The following AXDND1 variants were observed in gnomAD, a reference collection of about 807,000 sequenced individuals.
The protein encoded by AXDND1 is axonemal dynein light chain domain-containing protein 1.
In AXDND1, 110 loss-of-function variants were observed where a neutral mutation model predicts 137.5. The ratio of observed to expected loss-of-function variants is 0.80; its 90% CI spans 0.69 to 0.94. AXDND1 has a LOEUF of 0.94. Ranked by LOEUF, AXDND1 falls within the 40% of genes least tolerant of loss-of-function variation. AXDND1 has a pLI of 0.00. For missense variants in AXDND1, 1,191 were observed against 1,169.8 expected, an observed-to-expected ratio of 1.02 and a Z score of -0.26; for synonymous variants, 414 against 399.7, an observed-to-expected ratio of 1.04 and a Z score of -0.43.
intron 20 of AXDND1, among the ~76,000 whole-genome samples, chr1:179,503,098 A>T (rs1483058469): frequency 6.6e-6 from 1 of 151,594 alleles, no homozygotes. Flanking sequence ...TCCGTGTAAA[A>T]AAAAAAAAAA....
chr1:179,437,750 G>A (rs992624754), intron 15 of AXDND1, among the ~76,000 whole-genome samples: 2 of 152,160 alleles, frequency 1.3e-5, no homozygotes, highest in African/African-American at 4.8e-5. Flanking sequence ...AGGTCCAAGG[G>A]TTGAGGCTCT....
chr1:179,482,098 A>ATTTTTTTT (rs57145549), intron 17 of AXDND1, among the ~76,000 whole-genome samples: 3 of 108,068 alleles, frequency 2.8e-5, no homozygotes, highest in African/African-American at 3.9e-5. Context: ...GAGCTTTTTA[A>ATTTTTTTT]TTTTTTTTTT....
At chr1:179,538,040 C>A (rs1175188720) in intron 25 of AXDND1, among the ~76,000 whole-genome samples, 1 of 152,118 alleles carries the variant, frequency 6.6e-6, no homozygotes, top group African/African-American at 2.4e-5. Context: ...GCGGTGATAT[C>A]CCCTTTATCA....
intron 20 of AXDND1, among the ~76,000 whole-genome samples, chr1:179,496,919 A>G (rs1667500092): frequency 6.6e-6 from 1 of 152,132 alleles, no homozygotes; most frequent in Admixed American, 6.5e-5. Context: ...CATTTAAAAT[A>G]CATTTTAATA....
At chr1:179,494,291 G>A (rs1667229681) in intron 20 of AXDND1, among the ~76,000 whole-genome samples, 1 of 152,122 alleles carries the variant, frequency 6.6e-6, no homozygotes, top group Non-Finnish European at 1.5e-5. Flanking sequence ...TCTAATAAGT[G>A]AGTAGTGGGA....
intron 15 of AXDND1, among the ~76,000 whole-genome samples, chr1:179,443,175 A>C (rs2125359407): frequency 1.3e-5 from 2 of 152,318 alleles, no homozygotes; most frequent in Non-Finnish European, 2.9e-5. Context: ...GTTTGTTCAC[A>C]TCTTGCATTC....
chr1:179,479,262 A>G (rs1665020830), intron 17 of AXDND1, among the ~76,000 whole-genome samples: 1 of 150,206 alleles, frequency 6.7e-6, no homozygotes, highest in African/African-American at 2.5e-5. Context: ...GGATCACTTG[A>G]AGTCAGGAGT....
intron 4 of AXDND1, among the ~76,000 whole-genome samples, chr1:179,371,246 G>A (rs1668006558): frequency 6.6e-6 from 1 of 152,036 alleles, no homozygotes. Context: ...TGGGCAACAT[G>A]GTGAAACCCT....
intron 15 of AXDND1, among the ~76,000 whole-genome samples, chr1:179,439,290 C>T (rs1162779100): frequency 6.6e-6 from 1 of 152,142 alleles, no homozygotes; most frequent in Non-Finnish European, 1.5e-5. Flanking sequence ...GAACCAAGAC[C>T]TAATAAGTAC....
chr1:179,498,463 C>T (rs1206861778), intron 20 of AXDND1, among the ~76,000 whole-genome samples: 1 of 151,938 alleles, frequency 6.6e-6, no homozygotes, highest in Non-Finnish European at 1.5e-5. Context: ...AAATGTAAGA[C>T]ATCAAACTAT....
chr1:179,423,669 G>C (rs538608862), intron 12 of AXDND1, among the ~76,000 whole-genome samples: 6 of 151,562 alleles, frequency 4.0e-5, no homozygotes, highest in East Asian at 2.0e-4. Context: ...AAAAAGAGAT[G>C]ACAATTTATC....
chr1:179,509,456 G>A, intron 21 of AXDND1, 53 bp downstream of exon 21: 1 of 1,154,852 alleles, frequency 8.7e-7, no homozygotes, highest in Non-Finnish European at 1.3e-6. Flanking sequence ...CTGTATTTCA[G>A]TACAGAAGGT....
intron 20 of AXDND1, among the ~76,000 whole-genome samples, chr1:179,504,407 T>C (rs971271016): frequency 1.4e-4 from 21 of 152,308 alleles, no homozygotes; most frequent in Admixed American, 1.2e-3. Context: ...ACTGGCCAAC[T>C]CTATGACACA....
intron 12 of AXDND1, among the ~76,000 whole-genome samples, chr1:179,415,045 A>C (rs778199002): frequency 3.9e-5 from 6 of 152,218 alleles, no homozygotes; most frequent in Non-Finnish European, 5.9e-5. Context: ...TCAATTGTTA[A>C]AAAATTTAGA....
rs1262003862 is a variant in AXDND1 at position 179,383,470 on chromosome 1, C to T, written c.667C>T (p.Gln223Ter). ...ACCTAATAAAAGAGTAGAAGTGGCC[C>T]AGCTGAATGATGTGATGGATACTAT... ...MKPNKRVEVA[Q>*]LNDVMDTMLE... The change falls in exon 8 of 26, where the codon CAG becomes TAG. Residue 223 changes from glutamine to a stop codon, truncating the protein, a stop_gained. Coordinates refer to ENST00000367618, the MANE Select transcript of AXDND1 (RefSeq NM_144696.6). LOFTEE classifies it high-confidence loss of function. 6.2e-7 allele frequency: 1 copy of T among 1,613,622 alleles called. No individual in the cohort carries two copies. Among genetic ancestry groups the T allele is most frequent in the African/African-American group, 1.3e-5 (1 of 74,876 alleles).
intron 9 of AXDND1, among the ~76,000 whole-genome samples, chr1:179,390,425 C>T (rs1195571443): frequency 6.6e-6 from 1 of 152,174 alleles, no homozygotes; most frequent in Non-Finnish European, 1.5e-5. Context: ...AAAGAAATGA[C>T]TTCTTTGTAT....
intron 2 of AXDND1, among the ~76,000 whole-genome samples, chr1:179,367,871 G>A (rs1667619240): frequency 6.6e-6 from 1 of 152,046 alleles, no homozygotes; most frequent in African/African-American, 2.4e-5. Context: ...GTTCATATGC[G>A]GATCTGTACT....
At chr1:179,459,116 G>A (rs565131386) in intron 16 of AXDND1, among the ~76,000 whole-genome samples, 87 of 151,960 alleles carry the variant, frequency 5.7e-4, no homozygotes, top group African/African-American at 2.1e-3. Context: ...AATGAGAATG[G>A]GAAAAATACT....
chr1:179,391,999 T>C (rs1650280963), intron 9 of AXDND1, among the ~76,000 whole-genome samples: 1 of 152,194 alleles, frequency 6.6e-6, no homozygotes, highest in African/African-American at 2.4e-5. Flanking sequence ...CAATTAAATC[T>C]CTTTCCTTTA....
Sources: gnomAD v4.1 joint callset for allele counts (sites outside exome capture counted in the v4.1 genomes callset) on GRCh38, gnomAD v4.1.1 for gene constraint, MANE v1.5 for transcripts, NCBI Gene and HGNC (gene_info 2026-07-23, HGNC 2026-07-21) for gene names.